RUNX2: variants seen among roughly 807,000 people sequenced by gnomAD.
RUNX2 encodes the protein runt-related transcription factor 2.
A neutral mutation model predicts 51.7 loss-of-function variants in RUNX2; 10 were observed. The observed-to-expected ratio is 0.19, with a 90% CI of 0.12 to 0.33. RUNX2 has a LOEUF of 0.33. RUNX2 is among the 10% of genes least tolerant of loss of function. RUNX2 has a pLI of 1.00. For missense variants in RUNX2, 562 were observed against 691.3 expected (o/e 0.81, Z 2.10); for synonymous variants, 276 against 273.6 (o/e 1.01, Z -0.09).
rs116045576 is a variant in RUNX2, at chr6:45,388,506, G to T, written c.59-34087G>T. Among the ~76,000 whole-genome samples, 802 of 152,298 alleles carry T rather than the reference G, an allele frequency of 5.3e-3. 5 individuals carry two copies. Among genetic ancestry groups the T allele is most frequent in the African/African-American group, 0.018 (748 of 41,550 alleles). ...CCTGCAGAATCAGATACTCTGGGGG[G>T]CGGAGTTCAGCAATCTAACTTAACA... On this transcript the variant is annotated intron_variant, in intron 2 of 8. Coordinates refer to ENST00000647337, the MANE Select transcript of RUNX2 (RefSeq NM_001024630.4).
chr6:45,479,366 G>A (rs1023504653), intron 5 of RUNX2, among the ~76,000 whole-genome samples: 4 of 152,142 alleles, frequency 2.6e-5, no homozygotes, highest in African/African-American at 9.7e-5. Flanking sequence ...GCAAAGAAAG[G>A]TACGTTTCTA....
intron 5 of RUNX2, among the ~76,000 whole-genome samples, chr6:45,455,068 C>T (rs768460820): frequency 1.3e-5 from 2 of 152,082 alleles, no homozygotes; most frequent in Non-Finnish European, 2.9e-5. Flanking sequence ...GAGCCGAGAT[C>T]GTGCCATTGC....
chr6:45,406,149 C>T (rs1022989718), intron 2 of RUNX2, among the ~76,000 whole-genome samples: 1 of 152,150 alleles, frequency 6.6e-6, no homozygotes, highest in Non-Finnish European at 1.5e-5. Context: ...TGATCATAAT[C>T]TATGCAGCAT....
At chr6:45,525,510 C>T (rs1325126298) in intron 7 of RUNX2, among the ~76,000 whole-genome samples, 1 of 152,188 alleles carries the variant, frequency 6.6e-6, no homozygotes, top group Admixed American at 6.5e-5. Context: ...TTTTGAATTT[C>T]AGATGTGCCT....
chr6:45,338,091 C>A (rs1788969452), intron 2 of RUNX2, among the ~76,000 whole-genome samples: 1 of 151,942 alleles, frequency 6.6e-6, no homozygotes, highest in South Asian at 2.1e-4. Context: ...AGTTTTCATC[C>A]TCAGAGTTTA....
chr6:45,530,970 A>G (rs1206085118), intron 7 of RUNX2, among the ~76,000 whole-genome samples: 1 of 152,214 alleles, frequency 6.6e-6, no homozygotes, highest in Non-Finnish European at 1.5e-5. Flanking sequence ...TATAGAAAGC[A>G]CTTTCATAGA....
chr6:45,427,347 A>C (rs1168987329), intron 3 of RUNX2, among the ~76,000 whole-genome samples: 1 of 152,064 alleles, frequency 6.6e-6, no homozygotes, highest in African/African-American at 2.4e-5. Flanking sequence ...TGGCCCACAA[A>C]TTGCTGCTTT....
chr6:45,355,057 C>T (rs1255562121), intron 2 of RUNX2, among the ~76,000 whole-genome samples: 2 of 151,884 alleles, frequency 1.3e-5, no homozygotes, highest in African/African-American at 4.8e-5. Context: ...TCACTGCAGA[C>T]TCAACCACTT....
chr6:45,454,443 A>T (rs968778481), intron 5 of RUNX2, among the ~76,000 whole-genome samples: 2 of 152,224 alleles, frequency 1.3e-5, no homozygotes, highest in Admixed American at 1.3e-4. Flanking sequence ...ATCTAGATAG[A>T]TGCCTTTGGT....
In RUNX2 at chr6:45,357,895, A is replaced by G. The variant is rs373188464; in HGVS notation, c.58+29111A>G. Among the ~76,000 whole-genome samples the G allele has an allele frequency of 9.9e-5, 15 of 151,702 alleles. No homozygotes were observed. The East Asian group carries it at 1.7e-3, about 18-fold the overall frequency. On this transcript the variant is annotated intron_variant, in intron 2 of 8. Transcript: ENST00000647337. ...AGGATTTTTCAGAAAGACTAAGAGT[A>G]TATATATATATAAATACATTCACAA...
At chr6:45,411,521 T>C (rs1797950762) in intron 2 of RUNX2, among the ~76,000 whole-genome samples, 1 of 152,218 alleles carries the variant, frequency 6.6e-6, no homozygotes, top group African/African-American at 2.4e-5. Flanking sequence ...ATGGAAAAGC[T>C]TTCAATTTTC....
intron 7 of RUNX2, among the ~76,000 whole-genome samples, chr6:45,544,886 T>A (rs79431971): frequency 0.017 from 2,520 of 152,348 alleles, 64 homozygotes; most frequent in African/African-American, 0.057. Context: ...TCCACATTTT[T>A]AAATTTAAGC....
intron 2 of RUNX2, among the ~76,000 whole-genome samples, chr6:45,329,784 A>G (rs577923187): frequency 6.6e-6 from 1 of 151,994 alleles, no homozygotes; most frequent in African/African-American, 2.4e-5. Context: ...AATGACTTTA[A>G]CATTCATCAG....
rs554370925 is a variant in RUNX2, at chr6:45,349,701, T to C, written c.58+20917T>C. ...TTTGCTGCTCTTTATATTTCATCAT[T>C]AAAATTATATTATTTCAATATAGTC... On this transcript the variant is annotated intron_variant, in intron 2 of 8. Coordinates refer to ENST00000647337, the MANE Select transcript of RUNX2 (RefSeq NM_001024630.4). Among the ~76,000 whole-genome samples, 5 of 152,366 alleles carry C rather than the reference T, an allele frequency of 3.3e-5. No homozygotes were observed. The South Asian group carries it at 1.0e-3, about 32-fold the overall frequency.
At chr6:45,448,095 T>C (rs1277573814) in intron 5 of RUNX2, among the ~76,000 whole-genome samples, 1 of 152,220 alleles carries the variant, frequency 6.6e-6, no homozygotes, top group Admixed American at 6.5e-5. Context: ...TCTAAGCTCC[T>C]GTCACTCTGG....
intron 5 of RUNX2, among the ~76,000 whole-genome samples, chr6:45,444,635 T>A (rs1187292573): frequency 2.0e-5 from 3 of 152,248 alleles, no homozygotes; most frequent in African/African-American, 7.2e-5. Context: ...CTTTTCCTGT[T>A]TGCTTATTCT....
intron 5 of RUNX2, among the ~76,000 whole-genome samples, chr6:45,448,674 C>T (rs1799072165): frequency 6.6e-6 from 1 of 152,110 alleles, no homozygotes; most frequent in South Asian, 2.1e-4. Flanking sequence ...TGCATATGCA[C>T]CCTCCACAAC....
Position 45,397,868 on chromosome 6 carries a change from A to G in RUNX2, c.59-24725A>G, listed in dbSNP as rs12664292. ...TTATAACATTAAATATAAACAACAC[A>G]ATGGAATAACAATATTGACCTATTG... On this transcript the variant is annotated intron_variant, in intron 2 of 8. Coordinates refer to ENST00000647337, the MANE Select transcript of RUNX2 (RefSeq NM_001024630.4). 9.9e-3 allele frequency among the ~76,000 whole-genome samples: 1,509 copies of G among 152,324 alleles called. 77 individuals are homozygous for G. In the East Asian group the frequency reaches 0.11, roughly 11 times the overall value.
At chr6:45,353,674 A>G (rs1039980135) in intron 2 of RUNX2, among the ~76,000 whole-genome samples, 1 of 152,138 alleles carries the variant, frequency 6.6e-6, no homozygotes, top group African/African-American at 2.4e-5. Flanking sequence ...GAAATGTAAG[A>G]AAGTGCATGA....
Sources: gnomAD v4.1 joint callset for allele counts (sites outside exome capture counted in the v4.1 genomes callset) on GRCh38, gnomAD v4.1.1 for gene constraint, MANE v1.5 for transcripts, NCBI Gene and HGNC (gene_info 2026-07-23, HGNC 2026-07-21) for gene names.